KLRG1: variants seen among roughly 807,000 people sequenced by gnomAD.
KLRG1 encodes the protein killer cell lectin like receptor G1, also known as killer cell lectin-like receptor subfamily G member 1.
KLRG1 carries 16 observed loss-of-function variants against 21.8 expected under a neutral mutation model. The ratio of observed to expected loss-of-function variants is 0.73; its 90% CI spans 0.50 to 1.11. The LOEUF is 1.11. Among genes scored for constraint, KLRG1 ranks in the 50% most tolerant of loss-of-function variants. KLRG1 has a pLI of 0.00. For synonymous variants in KLRG1, 69 were observed against 75.9 expected (o/e 0.91, Z 0.47); for missense variants, 173 against 218.3 (o/e 0.79, Z 1.31).
At chr12:8,967,216 A>C (rs1565537739) in intron 1 of KLRG1, among the ~76,000 whole-genome samples, 1 of 150,246 alleles carries the variant, frequency 6.7e-6, no homozygotes, top group African/African-American at 2.5e-5. Flanking sequence ...GGATAGCATT[A>C]GGAGATATAC....
the KLRG1 span, among the ~76,000 whole-genome samples, chr12:9,034,351 A>G: frequency 1.3e-5 from 2 of 152,206 alleles, no homozygotes; most frequent in Admixed American, 6.5e-5. Context: ...ACTGCCAGTC[A>G]TGTAAAAACC....
At chr12:9,052,188 C>T in the KLRG1 span, among the ~76,000 whole-genome samples, 1 of 152,162 alleles carries the variant, frequency 6.6e-6, no homozygotes, top group Admixed American at 6.5e-5. Context: ...ATCTTGGACT[C>T]CATTGTATTA....
At chr12:9,126,512 G>A in the KLRG1 span, among the ~76,000 whole-genome samples, 5 of 152,138 alleles carry the variant, frequency 3.3e-5, no homozygotes, top group Non-Finnish European at 5.9e-5. Context: ...TAACTTACCT[G>A]CTGCCCATCT....
the KLRG1 span, chr12:9,161,202 G>GCTCT: frequency 7.0e-6 from 8 of 1,146,414 alleles, no homozygotes; most frequent in South Asian, 9.2e-5. Flanking sequence ...GAGCTTCAGA[G>GCTCT]CCACACTCCC....
intron 1 of KLRG1, among the ~76,000 whole-genome samples, chr12:8,967,218 G>T (rs1404226486): frequency 2.7e-5 from 4 of 150,170 alleles, no homozygotes; most frequent in Admixed American, 6.6e-5. Flanking sequence ...ATAGCATTAG[G>T]AGATATACCT....
the KLRG1 span, among the ~76,000 whole-genome samples, chr12:9,155,465 AT>A: frequency 6.0e-5 from 9 of 151,100 alleles, no homozygotes; most frequent in East Asian, 1.6e-3. Context: ...AAAACTTTTG[AT>A]TCTTGTTTTG....
At chr12:9,209,657 G>A in the KLRG1 span, among the ~76,000 whole-genome samples, 1 of 152,028 alleles carries the variant, frequency 6.6e-6, no homozygotes, top group Non-Finnish European at 1.5e-5. Context: ...GACAAATATG[G>A]TTGGAGTTTC....
chr12:9,155,253 G>C, the KLRG1 span, among the ~76,000 whole-genome samples: 1 of 152,278 alleles, frequency 6.6e-6, no homozygotes, highest in African/African-American at 2.4e-5. Context: ...AAAATAGTTT[G>C]AAAATGTTAT....
intron 3 of KLRG1, among the ~76,000 whole-genome samples, chr12:9,007,253 C>T (rs1193281719): frequency 1.3e-5 from 2 of 151,914 alleles, no homozygotes; most frequent in Admixed American, 1.3e-4. Context: ...GGCTTTTTGC[C>T]TCTCTTTATT....
chr12:9,160,681 G>A, the KLRG1 span, among the ~76,000 whole-genome samples: 1 of 152,130 alleles, frequency 6.6e-6, no homozygotes, highest in Non-Finnish European at 1.5e-5. Flanking sequence ...TTGGGAGGCC[G>A]AGGCGGGCGG....
At chr12:9,101,397 CAG>C in the KLRG1 span, 39 of 1,491,012 alleles carry the variant, frequency 2.6e-5, no homozygotes, top group African/African-American at 5.3e-4. Flanking sequence ...ACTTGCTCCA[CAG>C]AGAGCTTTTG....
At chr12:9,095,410 G>T in the KLRG1 span, 1 of 859,382 alleles carries the variant, frequency 1.2e-6, no homozygotes, top group Non-Finnish European at 1.7e-6. Flanking sequence ...TATTAGTAGA[G>T]AAGCCACTTA....
chr12:9,079,683 A>G, the KLRG1 span: 1 of 1,613,776 alleles, frequency 6.2e-7, no homozygotes, highest in Non-Finnish European at 8.5e-7. Flanking sequence ...CTCTGGAGTA[A>G]GCTGCTGTGT....
At chr12:9,062,951 T>C in the KLRG1 span, among the ~76,000 whole-genome samples, 89 of 152,162 alleles carry the variant, frequency 5.8e-4, 1 homozygote, top group African/African-American at 2.1e-3. Flanking sequence ...ACTAGAATGT[T>C]AAAGTGGCAT....
At chr12:8,991,999 A>G (rs1350015850) in intron 1 of KLRG1, 5 of 457,796 alleles carry the variant, frequency 1.1e-5, no homozygotes, top group Non-Finnish European at 2.0e-5. Context: ...ATCTTGATAA[A>G]TATAGTAAGT....
rs1162222094 is a variant in KLRG1 at position 8,990,602 on chromosome 12, A to G, written c.82+885A>G. Among the ~76,000 whole-genome samples the G allele has an allele frequency of 2.6e-5, 4 of 152,084 alleles. No homozygotes were observed. In the South Asian group the frequency reaches 6.2e-4, roughly 24 times the overall value. On this transcript the variant is annotated intron_variant, in intron 1 of 4. Coordinates refer to ENST00000356986, the MANE Select transcript of KLRG1 (RefSeq NM_005810.4). ...ATCTTTATTTGTGTAACCTTTTCCT[A>G]TTTTTGAATTGTATCTATGTTAATT...
At chr12:9,190,756 T>C in the KLRG1 span, among the ~76,000 whole-genome samples, 1 of 152,270 alleles carries the variant, frequency 6.6e-6, no homozygotes, top group East Asian at 1.9e-4. Context: ...ATTTAAAATC[T>C]CAATTCTGAA....
chr12:9,188,765 A>T, the KLRG1 span, among the ~76,000 whole-genome samples: 2 of 152,322 alleles, frequency 1.3e-5, no homozygotes, highest in Admixed American at 1.3e-4. Context: ...AATGCAAGCA[A>T]TCCCATTCAC....
chr12:9,158,648 G>C, the KLRG1 span: 2 of 1,479,490 alleles, frequency 1.4e-6, no homozygotes, highest in Non-Finnish European at 1.8e-6. Context: ...TGTACACACA[G>C]GCTCCCCCAT....
Sources: allele counts gnomAD v4.1 joint callset (sites outside exome capture counted in the v4.1 genomes callset), GRCh38; gene constraint gnomAD v4.1.1; transcripts MANE v1.5; gene names NCBI Gene and HGNC (gene_info 2026-07-23, HGNC 2026-07-21).